CNTN6: variants seen among roughly 807,000 people sequenced by gnomAD.
CNTN6 encodes contactin-6.
A neutral mutation model predicts 122.8 loss-of-function variants in CNTN6; 137 were observed. The observed-to-expected ratio is 1.12, with a 90% CI of 0.97 to 1.29. The LOEUF (loss-of-function observed/expected upper bound fraction) is 1.29, where lower values mean the gene tolerates loss of function less well. Among genes scored for constraint, CNTN6 ranks in the 50% most tolerant of loss-of-function variants. CNTN6 has a pLI of 0.00. For synonymous variants in CNTN6, 570 were observed against 426.0 expected, an observed-to-expected ratio of 1.34 and a Z score of -4.16; for missense variants, 1,634 against 1,223.4, an observed-to-expected ratio of 1.34 and a Z score of -5.01.
intron 20 of CNTN6, among the ~76,000 whole-genome samples, chr3:1,389,882 C>T (rs948158134): frequency 3.3e-5 from 5 of 151,480 alleles, no homozygotes; most frequent in Admixed American, 2.6e-4. Context: ...TCTATGCACC[C>T]AATACAGGAG....
intron 1 of CNTN6, among the ~76,000 whole-genome samples, chr3:1,102,644 C>A (rs995430498): frequency 6.7e-6 from 1 of 149,082 alleles, no homozygotes; most frequent in South Asian, 2.1e-4. Context: ...AGGAGAATGG[C>A]GGGAACCCGG....
chr3:1,355,423 A>G (rs1441932608), intron 12 of CNTN6, among the ~76,000 whole-genome samples: 1 of 151,646 alleles, frequency 6.6e-6, no homozygotes, highest in Non-Finnish European at 1.5e-5. Flanking sequence ...ATTCCCTTTC[A>G]TATAAAAATG....
intron 2 of CNTN6, among the ~76,000 whole-genome samples, chr3:1,210,780 T>G (rs1472673734): frequency 3.3e-5 from 5 of 152,222 alleles, no homozygotes; most frequent in Admixed American, 2.6e-4. Context: ...AAGGAACATG[T>G]GAGCCCCTTG....
chr3:1,148,893 C>T (rs2092779481), intron 2 of CNTN6, among the ~76,000 whole-genome samples: 1 of 152,138 alleles, frequency 6.6e-6, no homozygotes, highest in Non-Finnish European at 1.5e-5. Flanking sequence ...ATGTTACCCT[C>T]TGTGAGTCTG....
intron 20 of CNTN6, among the ~76,000 whole-genome samples, chr3:1,389,443 A>G (rs1693750460): frequency 6.6e-6 from 1 of 152,222 alleles, no homozygotes; most frequent in East Asian, 1.9e-4. Context: ...AACCGGTACC[A>G]GCCGCTGCAA....
chr3:1,150,938 A>G (rs2092828232), intron 2 of CNTN6, among the ~76,000 whole-genome samples: 1 of 152,126 alleles, frequency 6.6e-6, no homozygotes, highest in Admixed American at 6.6e-5. Context: ...GCTAGACTTC[A>G]GGACTGAGGA....
At chr3:1,261,386 T>G (rs565728225) in intron 4 of CNTN6, among the ~76,000 whole-genome samples, 2 of 152,172 alleles carry the variant, frequency 1.3e-5, no homozygotes, top group African/African-American at 4.8e-5. Flanking sequence ...CAATTGTGGC[T>G]CAGTACAGCT....
intron 1 of CNTN6, among the ~76,000 whole-genome samples, chr3:1,097,547 G>GA (rs1229106708): frequency 9.2e-5 from 14 of 152,188 alleles, no homozygotes; most frequent in Non-Finnish European, 1.8e-4. Context: ...CAAGATTCAG[G>GA]AGGCAAGCTC....
chr3:1,161,705 A>T (rs1282954903), intron 2 of CNTN6, among the ~76,000 whole-genome samples: 1 of 151,722 alleles, frequency 6.6e-6, no homozygotes, highest in Non-Finnish European at 1.5e-5. Context: ...GGTACAAAAA[A>T]CAAGGTAGAG....
intron 12 of CNTN6, among the ~76,000 whole-genome samples, chr3:1,370,177 G>GT (rs1006357410): frequency 1.9e-4 from 28 of 151,066 alleles, no homozygotes; most frequent in African/African-American, 4.9e-4. Context: ...AGTTGGCCAA[G>GT]TTTTTTTTTA....
intron 11 of CNTN6, among the ~76,000 whole-genome samples, chr3:1,343,570 AG>A (rs1704206890): frequency 6.6e-6 from 1 of 152,204 alleles, no homozygotes; most frequent in Non-Finnish European, 1.5e-5. Flanking sequence ...TAGAAACAAA[AG>A]GCTGAATATT....
intron 2 of CNTN6, among the ~76,000 whole-genome samples, chr3:1,158,250 T>C (rs1038630770): frequency 4.6e-5 from 7 of 152,220 alleles, no homozygotes; most frequent in Non-Finnish European, 7.3e-5. Context: ...TGATATCTCA[T>C]TGTAGTTTTG....
chr3:1,139,001 C>T (rs1420131006), intron 1 of CNTN6, among the ~76,000 whole-genome samples: 1 of 152,080 alleles, frequency 6.6e-6, no homozygotes, highest in Non-Finnish European at 1.5e-5. Context: ...TGAGAACTTA[C>T]CACTAGAAAC....
At chr3:1,306,867 A>T (rs978985126) in intron 7 of CNTN6, among the ~76,000 whole-genome samples, 1 of 152,192 alleles carries the variant, frequency 6.6e-6, no homozygotes, top group Non-Finnish European at 1.5e-5. Flanking sequence ...CTTCCCCAGA[A>T]GAATAGATTT....
chr3:1,289,674 G>C (rs867671283), intron 5 of CNTN6, among the ~76,000 whole-genome samples: 1 of 82,348 alleles, frequency 1.2e-5, no homozygotes, highest in African/African-American at 4.8e-5. Context: ...TTGTTTTTTT[G>C]GGTTTTTTTT....
intron 13 of CNTN6, 109 bp from the exon 14 acceptor site, chr3:1,372,729 T>G (rs557136622): frequency 5.4e-6 from 4 of 736,774 alleles, no homozygotes; most frequent in Non-Finnish European, 8.9e-6. Flanking sequence ...CTAGTATATC[T>G]TTTAATTTCA....
At chr3:1,336,678 A>G (rs1373450109) in intron 11 of CNTN6, among the ~76,000 whole-genome samples, 1 of 152,156 alleles carries the variant, frequency 6.6e-6, no homozygotes, top group Admixed American at 6.5e-5. Flanking sequence ...TGGCAAATGC[A>G]TGTACCTTGT....
chr3:1,267,635 G>A (rs2094947638), intron 4 of CNTN6, among the ~76,000 whole-genome samples: 1 of 152,094 alleles, frequency 6.6e-6, no homozygotes, highest in Non-Finnish European at 1.5e-5. Flanking sequence ...GAAGTAAGAA[G>A]GTCTTTTAAG....
intron 2 of CNTN6, among the ~76,000 whole-genome samples, chr3:1,155,580 G>T: frequency 6.6e-6 from 1 of 152,116 alleles, no homozygotes; most frequent in East Asian, 1.9e-4. Context: ...ACTTGACCTA[G>T]GCAGGGGTAA....
Sources: gnomAD v4.1 joint callset for allele counts (sites outside exome capture counted in the v4.1 genomes callset) on GRCh38, gnomAD v4.1.1 for gene constraint, MANE v1.5 for transcripts, NCBI Gene and HGNC (gene_info 2026-07-23, HGNC 2026-07-21) for gene names.